Variants in LYSMD3 observed in about 807,000 individuals in gnomAD.
The protein encoded by LYSMD3 is LysM domain containing 3.
Under a neutral mutation model 26.1 loss-of-function variants are expected in LYSMD3, and 13 were observed. That is an observed-to-expected ratio of 0.50 (90% CI 0.32 to 0.79). The LOEUF (loss-of-function observed/expected upper bound fraction) is 0.79, where lower values mean the gene tolerates loss of function less well. Among genes scored for constraint, LYSMD3 ranks in the 30% least tolerant of loss-of-function variants. The probability of loss-of-function intolerance (pLI) is 0.03; values close to 1 mark genes in which losing one functional copy is unlikely to be tolerated. For synonymous variants in LYSMD3, 109 were observed against 119.4 expected (o/e 0.91, Z 0.57); for missense variants, 331 against 362.5 (o/e 0.91, Z 0.71).
intron 1 of LYSMD3, among the ~76,000 whole-genome samples, chr5:90,528,604 C>T (rs1412417066): frequency 6.6e-6 from 1 of 152,130 alleles, no homozygotes; most frequent in Admixed American, 6.5e-5. Context: ...TGTCTTCAAC[C>T]GAAGTGAACA....
rs1039221717 is a variant in LYSMD3, at chr5:90,516,929, T to G, written c.*1890A>C. On this transcript the variant is annotated 3_prime_UTR_variant, in exon 3 of 3. Transcript: ENST00000315948. ...GAATCACTGACTGTAATTTCATCAA[T>G]TTGATGTAAACAAAGTTCTTCAAAG... 2.6e-5 allele frequency: 4 copies of G among 152,468 alleles called. No individual in the cohort carries two copies. Among genetic ancestry groups the G allele is most frequent in the African/African-American group, 9.6e-5 (4 of 41,452 alleles). The allele number at this position is 152,468 out of a possible 1,614,324, so 9.4% of individuals were successfully genotyped here. A position where few individuals can be genotyped will look rare whatever the true frequency, so the allele number is the denominator to read the frequency against.
Position 90,516,828 on chromosome 5 carries a change from C to A in LYSMD3, c.*1991G>T, listed in dbSNP as rs1561264523. 6.6e-6 allele frequency: 1 copy of A among 152,372 alleles called. No homozygotes were observed. The highest frequency in any genetic ancestry group is 1.5e-5 in the Non-Finnish European group (1 of 67,878). The allele number at this position is 152,372 out of a possible 1,614,324, so 9.4% of individuals were successfully genotyped here. On this transcript the variant is annotated 3_prime_UTR_variant, in exon 3 of 3. Coordinates refer to ENST00000315948, the MANE Select transcript of LYSMD3 (RefSeq NM_198273.2). ...CAACAAATACACAGCACACCTTATT[C>A]CTTTAAAAAATAAGTTACATATTTT...
chr5:90,523,438 T>G (rs1753141172), intron 2 of LYSMD3, among the ~76,000 whole-genome samples: 1 of 151,902 alleles, frequency 6.6e-6, no homozygotes, highest in Admixed American at 6.5e-5. Flanking sequence ...TATAAACTTA[T>G]AGACATGTGT....
chr5:90,522,062 C>T (rs762333095), intron 2 of LYSMD3, among the ~76,000 whole-genome samples: 2 of 152,106 alleles, frequency 1.3e-5, no homozygotes, highest in Non-Finnish European at 2.9e-5. Flanking sequence ...CTCATGTCAT[C>T]TTGTAATCTC....
chr5:90,525,439 C>T, intron 1 of LYSMD3, 139 bp from the exon 2 acceptor site: 1 of 909,522 alleles, frequency 1.1e-6, no homozygotes, highest in East Asian at 2.7e-5. Flanking sequence ...GGTTTAAGTT[C>T]GTTTTTTTGT....
At chr5:90,528,792 C>A (rs1753285517) in intron 1 of LYSMD3, among the ~76,000 whole-genome samples, 1 of 152,220 alleles carries the variant, frequency 6.6e-6, no homozygotes, top group Non-Finnish European at 1.5e-5. Flanking sequence ...CGAGGGGCCA[C>A]AAAACAGTGT....
rs199661376 is a variant in LYSMD3, at chr5:90,519,496, A to G, written c.256-12T>C. On this transcript the variant is annotated splice_polypyrimidine_tract_variant and intron_variant, in intron 2 of 2. Transcript: ENST00000315948. ...TTGATATCTGCTACCTGTGGGGGGGAAAAAAAAGCAACATACAACTGAATT... is the reference window on the plus strand; with the variant it reads ...TTGATATCTGCTACCTGTGGGGGGGGAAAAAAAGCAACATACAACTGAATT... The G allele has an allele frequency of 4.8e-4, 703 of 1,454,944 alleles. 2 individuals carry two copies. Among genetic ancestry groups the G allele is most frequent in the East Asian group, 3.8e-3 (153 of 40,274 alleles). The allele number at this position is 1,454,944 out of a possible 1,614,324, so 90.1% of individuals were successfully genotyped here.
rs572879081 is a variant in LYSMD3 at position 90,518,690 on chromosome 5, C to T, written c.*129G>A. On this transcript the variant is annotated 3_prime_UTR_variant, in exon 3 of 3. Coordinates refer to ENST00000315948, the MANE Select transcript of LYSMD3 (RefSeq NM_198273.2). The stretch of plus-strand genomic sequence containing the variant: ...CTCAAAAAATTTTCAAAGTGTGAAA[C>T]CCTTTTGTTAAAAACAAAAGCATCC... 21 of 941,738 alleles carry T rather than the reference C, an allele frequency of 2.2e-5. No homozygotes were observed. In the South Asian group the frequency reaches 3.6e-4, roughly 16 times the overall value. The allele number at this position is 941,738 out of a possible 1,614,324, so 58.3% of individuals were successfully genotyped here. A position where few individuals can be genotyped will look rare whatever the true frequency, so the allele number is the denominator to read the frequency against.
chr5:90,527,456 T>C (rs560273481), intron 1 of LYSMD3, among the ~76,000 whole-genome samples: 140 of 146,962 alleles, frequency 9.5e-4, no homozygotes, highest in Non-Finnish European at 1.7e-3. Flanking sequence ...TGTGAAAAAG[T>C]GTAAGAAAAT....
chr5:90,527,411 A>ATTTTTT (rs71614754), intron 1 of LYSMD3, among the ~76,000 whole-genome samples: 1 of 140,682 alleles, frequency 7.1e-6, no homozygotes. Flanking sequence ...TATTAATGGT[A>ATTTTTT]TTTTTTTTTT....
At chr5:90,526,278 T>TA (rs1369726334) in intron 1 of LYSMD3, among the ~76,000 whole-genome samples, 1 of 152,166 alleles carries the variant, frequency 6.6e-6, no homozygotes, top group Non-Finnish European at 1.5e-5. Flanking sequence ...TTAGCCAACT[T>TA]AGAGTCCTCA....
rs1465073174 is a variant in LYSMD3, at chr5:90,518,994, C to G, written c.746G>C (p.Ser249Thr). The G allele has an allele frequency of 6.2e-7, 1 of 1,613,918 alleles. No homozygotes were observed. The highest frequency in any genetic ancestry group is 8.5e-7 in the Non-Finnish European group (1 of 1,179,972). The stretch of plus-strand genomic sequence containing the variant: ...TGAAGAGTCCACTGTTGAATGATGA[C>G]TAACATCCACCTTAGCTAAAATTTC... ...YYEILAKVDV[S>T]HHSTVDSSHL... The change falls in exon 3 of 3, where the codon AGT becomes ACT. Residue 249 changes from serine (S) to threonine (T), a missense_variant. Coordinates refer to ENST00000315948, the MANE Select transcript of LYSMD3 (RefSeq NM_198273.2).
At chr5:90,519,705 CAT>C (rs1026579711) in intron 2 of LYSMD3, among the ~76,000 whole-genome samples, 5 of 152,094 alleles carry the variant, frequency 3.3e-5, no homozygotes, top group African/African-American at 9.7e-5. Flanking sequence ...TACTATCACC[CAT>C]ATATGTTAGT....
In LYSMD3 at chr5:90,529,429, C is replaced by T. The variant is rs1157086209; in HGVS notation, c.-12+19G>A. ...CCCTCCTGGACCGGGCTACCCTCAC[C>T]TCCTGCCACCATCTTTACCTGTCCC... On this transcript the variant is annotated intron_variant, in intron 1 of 2. Coordinates refer to ENST00000315948, the MANE Select transcript of LYSMD3 (RefSeq NM_198273.2). 4.4e-6 allele frequency: 2 copies of T among 456,478 alleles called. No homozygotes were observed. Among genetic ancestry groups the T allele is most frequent in the African/African-American group, 2.0e-5 (1 of 50,086 alleles). The allele number at this position is 456,478 out of a possible 1,614,324, so 28.3% of individuals were successfully genotyped here.
chr5:90,521,024 C>A (rs925424434), intron 2 of LYSMD3, among the ~76,000 whole-genome samples: 1 of 151,968 alleles, frequency 6.6e-6, no homozygotes, highest in Non-Finnish European at 1.5e-5. Flanking sequence ...AGAACTCCAA[C>A]ATTTGATGGG....
Position 90,524,627 on chromosome 5 carries a change from C to T in LYSMD3, c.255+408G>A, listed in dbSNP as rs375361648. ...CCTTTTTTGGAGACGGAGTCTCGCTCGGTCGCCCAGGCTGGAGTGCAGTGG... is the reference window on the plus strand; with the variant it reads ...CCTTTTTTGGAGACGGAGTCTCGCTTGGTCGCCCAGGCTGGAGTGCAGTGG... On this transcript the variant is annotated intron_variant, in intron 2 of 2. Transcript: ENST00000315948. Among the ~76,000 whole-genome samples, 617 of 152,266 alleles carry T rather than the reference C, an allele frequency of 4.1e-3. 7 individuals carry two copies. The highest frequency in any genetic ancestry group is 0.014 in the African/African-American group (574 of 41,556).
At chr5:90,521,948 T>C (rs1753099144) in intron 2 of LYSMD3, among the ~76,000 whole-genome samples, 1 of 152,018 alleles carries the variant, frequency 6.6e-6, no homozygotes, top group Non-Finnish European at 1.5e-5. Flanking sequence ...ATTTTTATAA[T>C]TTTTTTTGTT....
rs1238405220 is a variant in LYSMD3, at chr5:90,525,320, G to A, written c.-11-20C>T. ...TAAAATCTGGAGGAAAAAAAAAGCA[G>A]AGAAAATTTTGGAATGTAGCTGATC... On this transcript the variant is annotated intron_variant, in intron 1 of 2. Coordinates refer to ENST00000315948, the MANE Select transcript of LYSMD3 (RefSeq NM_198273.2). 1 of 1,561,192 alleles carries A rather than the reference G, an allele frequency of 6.4e-7. No homozygotes were observed.
chr5:90,524,378 T>A (rs1002876491), intron 2 of LYSMD3, among the ~76,000 whole-genome samples: 1 of 152,202 alleles, frequency 6.6e-6, no homozygotes, highest in Non-Finnish European at 1.5e-5. Flanking sequence ...AAAGCATTCC[T>A]ACATGCCAAA....
Sources: allele counts gnomAD v4.1 joint callset (sites outside exome capture counted in the v4.1 genomes callset), GRCh38; gene constraint gnomAD v4.1.1; transcripts MANE v1.5; gene names NCBI Gene and HGNC (gene_info 2026-07-23, HGNC 2026-07-21).